The following MXRA5 variants were observed in gnomAD, a reference collection of about 807,000 sequenced individuals.
The protein encoded by MXRA5 is matrix-remodeling-associated protein 5.
A neutral mutation model predicts 112.5 loss-of-function variants in MXRA5; 41 were observed. That is an observed-to-expected ratio of 0.36 (90% CI 0.28 to 0.47). The LOEUF is 0.47. Ranked by LOEUF, MXRA5 falls within the 20% of genes least tolerant of loss-of-function variation. The probability of loss-of-function intolerance (pLI) is 0.99; values close to 1 mark genes in which losing one functional copy is unlikely to be tolerated. For missense variants in MXRA5, 2,150 were observed against 2,251.0 expected (o/e 0.96, Z 0.91); for synonymous variants, 862 against 900.8 (o/e 0.96, Z 0.77).
In MXRA5 at chrX:3,317,455, G is replaced by A. The variant is rs1164225944; in HGVS notation, c.6226C>T (p.Leu2076=). 3 of 1,194,977 alleles carry A rather than the reference G, an allele frequency of 2.5e-6. No homozygotes were observed. The highest frequency in any genetic ancestry group is 2.3e-5 in the Admixed American group (1 of 43,910). The change falls in exon 6 of 7, where the codon CTG becomes TTG. Residue 2076 remains leucine, a synonymous_variant. Transcript: ENST00000217939. ...CCGAGCACCCAGCGCACGCTGGGCAGGGGCGCAGCCTTGGCAGTGCAGTGA... is the reference window on the plus strand; with the variant it reads ...CCGAGCACCCAGCGCACGCTGGGCAAGGGCGCAGCCTTGGCAGTGCAGTGA... ...HIHCTAKAAP[L]PSVRWVLGDG... is the part of the protein sequence containing the mutation.
rs746862274 is a variant in MXRA5, at chrX:3,310,845, C to T, written c.7358G>A (p.Arg2453Gln). 2.1e-5 allele frequency: 26 copies of T among 1,210,375 alleles called. No individual in the cohort carries two copies. Among genetic ancestry groups the T allele is most frequent in the Admixed American group, 4.4e-5 (2 of 45,948 alleles). The part of the protein sequence containing the change: ...NGNPNPITTV[R>Q]EIAAGGSRKL... ...CCGACTGCCCCCGGCTGCTATCTCC[C>T]GCACAGTGGTGATGGGGTTGGGGTT... Residue 2453 changes from arginine to glutamine, a missense_variant, in exon 7 of 7, where the codon CGG becomes CAG. Transcript: ENST00000217939.
Position 3,317,242 on chromosome X carries a change from G to A in MXRA5, c.6439C>T (p.Arg2147Cys). ...CTCCGCGGGGAGGTGCCCGTGATGCGCGCGTTGGCTGCTGCACGCTGCACG... is the reference window on the plus strand; with the variant it reads ...CTCCGCGGGGAGGTGCCCGTGATGCACGCGTTGGCTGCTGCACGCTGCACG... ...LNVQRAAANA[R>C]ITGTSPRRTD... Residue 2147 changes from arginine to cysteine, a missense_variant, in exon 6 of 7, where the codon CGC becomes TGC. Arg to Cys is a radical substitution (Grantham distance 180). Transcript: ENST00000217939. The A allele has an allele frequency of 1.7e-6, 2 of 1,210,968 alleles. No individual in the cohort carries two copies. Among genetic ancestry groups the A allele is most frequent in the Non-Finnish European group, 2.2e-6 (2 of 895,243 alleles).
In MXRA5 at chrX:3,324,497, C is replaced by T; in HGVS notation, c.1188G>A (p.Met396Ile). Residue 396 changes from methionine (M) to isoleucine (I), a missense_variant, in exon 5 of 7, where the codon ATG becomes ATA. Met to Ile is a conservative substitution (Grantham distance 10). Coordinates refer to ENST00000217939, the MANE Select transcript of MXRA5 (RefSeq NM_015419.4). ...EVPVKLHREL[M>I]LSKDPRVSYQ... ...AGCTGACTCTGGGGTCTTTGCTGAG[C>T]ATGAGCTCTCTGTGTAGCTTCACGG... 8.3e-7 allele frequency: 1 copy of T among 1,211,647 alleles called. No homozygotes were observed. Among genetic ancestry groups the T allele is most frequent in the Non-Finnish European group, 1.1e-6 (1 of 895,522 alleles).
At position 3,310,072 on chromosome X, in the gene MXRA5, A is replaced by C; in HGVS notation, c.8131T>G (p.Cys2711Gly). The C allele has an allele frequency of 8.3e-7, 1 of 1,211,532 alleles. No individual in the cohort carries two copies. Among genetic ancestry groups the C allele is most frequent in the Non-Finnish European group, 1.1e-6 (1 of 895,436 alleles). The part of the protein sequence containing the change: ...ASVFDRGTYV[C>G]RMETEYGPSV... The stretch of plus-strand genomic sequence containing the variant: ...GGGCCGTACTCCGTCTCCATCCTGC[A>C]TACATAGGTACCCCTGTCAAACACC... Residue 2711 changes from cysteine to glycine, a missense_variant, in exon 7 of 7, where the codon TGC becomes GGC. Around this residue, in one of 6 missense-constraint regions of MXRA5, gnomAD observed 178 missense variants for 198.2 expected, o/e 0.90. Coordinates refer to ENST00000217939, the MANE Select transcript of MXRA5 (RefSeq NM_015419.4).
Position 3,310,243 on chromosome X carries a change from T to A in MXRA5, c.7960A>T (p.Thr2654Ser). ...HNLVSIINGE[T>S]LKLPCTPPGA... ...GGAGGGGTGCAGGGGAGCTTCAGGG[T>A]CTCACCATTGATGATGCTGACCAGG... Residue 2654 changes from threonine (T) to serine (S), a missense_variant, in exon 7 of 7, where the codon ACC (threonine) becomes TCC (serine). Thr to Ser is a moderately conservative substitution (Grantham distance 58). This residue lies in a region of MXRA5 where 178 missense variants were observed against 198.2 expected (regional missense o/e 0.90). Coordinates refer to ENST00000217939, the MANE Select transcript of MXRA5 (RefSeq NM_015419.4). The A allele has an allele frequency of 1.7e-6, 2 of 1,211,390 alleles. No homozygotes were observed. Among genetic ancestry groups the A allele is most frequent in the South Asian group, 3.5e-5 (2 of 56,917 alleles).
rs149998276 is a variant in MXRA5, at chrX:3,331,482, G to A, written c.189-709C>T. Among the ~76,000 whole-genome samples, 1,114 of 111,668 alleles carry A rather than the reference G, an allele frequency of 1.0e-2. 15 individuals carry two copies. The highest frequency in any genetic ancestry group is 0.033 in the African/African-American group (998 of 30,707). The stretch of plus-strand genomic sequence containing the variant: ...AAGTGACAGTAATAAAGAGGGACAC[G>A]TGGCTAGCAGGGCCGGGAAAATCCA... On this transcript the variant is annotated intron_variant, in intron 2 of 6. Coordinates refer to ENST00000217939, the MANE Select transcript of MXRA5 (RefSeq NM_015419.4).
chrX:3,345,219 G>C (rs903890096), intron 1 of MXRA5, among the ~76,000 whole-genome samples: 1 of 112,917 alleles, frequency 8.9e-6, no homozygotes, highest in Non-Finnish European at 1.9e-5. Flanking sequence ...AAGTGACCTA[G>C]AAAAGGTTAT....
Position 3,308,955 on chromosome X carries a change from A to T in MXRA5, c.*761T>A, listed in dbSNP as rs1402886744. ...GAAGGAGGTTGGAGAGAAATTTTTT[A>T]AAATTATATTTCCATGTCTGCTGTA... On this transcript the variant is annotated 3_prime_UTR_variant, in exon 7 of 7. Transcript: ENST00000217939. The T allele has an allele frequency of 9.0e-6, 1 of 111,669 alleles. No homozygotes were observed. Among genetic ancestry groups the T allele is most frequent in the Non-Finnish European group, 1.9e-5 (1 of 53,179 alleles). The allele number at this position is 111,669 out of a possible 1,213,427, so 9.2% of individuals were successfully genotyped here.
chrX:3,334,762 A>T (rs1023603836), intron 2 of MXRA5, among the ~76,000 whole-genome samples: 4 of 112,065 alleles, frequency 3.6e-5, no homozygotes, highest in Non-Finnish European at 7.5e-5. Context: ...CTTCTCAGAG[A>T]CACTCAAATG....
Position 3,315,314 on chromosome X carries a change from CAGATGATAGATAGATAGATATAGAT to C in MXRA5, c.6578+1764_6578+1788del, listed in dbSNP as rs1921066845. Among the ~76,000 whole-genome samples, 3 of 53,383 alleles carry C rather than the reference CAGATGATAGATAGATAGATATAGAT, an allele frequency of 5.6e-5. 1 individual carries two copies. Among genetic ancestry groups the C allele is most frequent in the African/African-American group, 1.5e-4 (2 of 13,472 alleles). The allele number at this position is 53,383 out of a possible 115,157, so 46.4% of individuals were successfully genotyped here. On this transcript the variant is annotated intron_variant, in intron 6 of 6. Coordinates refer to ENST00000217939, the MANE Select transcript of MXRA5 (RefSeq NM_015419.4). ...ATGGATGGATAGACAGAAAGACAGACAGATGATAGATAGATAGATATAGATAGATAGATGATAGATAGATAGATAG... is the reference window on the plus strand; with the variant it reads ...ATGGATGGATAGACAGAAAGACAGACAGATAGATGATAGATAGATAGATAG...
intron 2 of MXRA5, among the ~76,000 whole-genome samples, chrX:3,341,398 A>T (rs1921956996): frequency 4.3e-5 from 1 of 23,380 alleles, no homozygotes; most frequent in Non-Finnish European, 5.6e-5. Flanking sequence ...TAATATATAT[A>T]ATATATATTA....
Position 3,322,364 on chromosome X carries a change from A to G in MXRA5, c.3321T>C (p.Ser1107=). Residue 1107 remains serine, a synonymous_variant, in exon 5 of 7, where the codon TCT becomes TCC. Transcript: ENST00000217939. ...DSTLGIMSSM[S]PVKKPAETTV... ...TGGTTTCCGCAGGCTTCTTAACTGGAGACATACTGCTCATTATACCCAGTG... is the reference window on the plus strand; with the variant it reads ...TGGTTTCCGCAGGCTTCTTAACTGGGGACATACTGCTCATTATACCCAGTG... 1 of 1,210,978 alleles carries G rather than the reference A, an allele frequency of 8.3e-7. No homozygotes were observed. The highest frequency in any genetic ancestry group is 1.1e-6 in the Non-Finnish European group (1 of 895,360).
Position 3,330,673 on chromosome X carries a change from C to T in MXRA5, c.289G>A (p.Gly97Arg). ...AGAGAGCTGAGGTCTCTTAAAGCTC[C>T]ATCGGGGATGCTTGGGATCTCATTG... ...HGNEIPSIPDGALRDLSSLQV... is the reference protein window; with the variant it reads ...HGNEIPSIPDRALRDLSSLQV... Residue 97 changes from glycine (G) to arginine (R), a missense_variant, in exon 3 of 7, where the codon GGA becomes AGA. This residue lies in a region of MXRA5 where 386 missense variants were observed against 411.0 expected (regional missense o/e 0.94). Coordinates refer to ENST00000217939, the MANE Select transcript of MXRA5 (RefSeq NM_015419.4). 8.3e-7 allele frequency: 1 copy of T among 1,209,730 alleles called. No individual in the cohort carries two copies. The highest frequency in any genetic ancestry group is 1.1e-6 in the Non-Finnish European group (1 of 894,403).
chrX:3,336,590 G>A (rs1226541709), intron 2 of MXRA5, among the ~76,000 whole-genome samples: 1 of 111,838 alleles, frequency 8.9e-6, no homozygotes, highest in African/African-American at 3.3e-5. Flanking sequence ...CTCCTTTTGG[G>A]GTGGTGAAAA....
At chrX:3,342,965 TA>T (rs1473482214) in intron 2 of MXRA5, among the ~76,000 whole-genome samples, 1 of 112,511 alleles carries the variant, frequency 8.9e-6, no homozygotes, top group Non-Finnish European at 1.9e-5. Context: ...GGATGGATGC[TA>T]AAAAGTAGCT....
intron 4 of MXRA5, among the ~76,000 whole-genome samples, chrX:3,326,768 G>T (rs769894196): frequency 1.8e-5 from 2 of 109,926 alleles, no homozygotes; most frequent in Non-Finnish European, 3.8e-5. Flanking sequence ...TGCTGACTGG[G>T]TCCTCCTTGA....
intron 2 of MXRA5, among the ~76,000 whole-genome samples, chrX:3,341,988 T>G (rs2146934404): frequency 1.1e-5 from 1 of 94,154 alleles, no homozygotes; most frequent in East Asian, 2.9e-4. Context: ...AAATGGGCTT[T>G]AGCAGACATG....
Position 3,330,192 on chromosome X carries a change from A to C in MXRA5, c.535T>G (p.Tyr179Asp), listed in dbSNP as rs1340265942. Residue 179 changes from tyrosine to aspartate, a missense_variant, in exon 4 of 7, where the codon TAT becomes GAT. This residue lies in a region of MXRA5 where 386 missense variants were observed against 411.0 expected (regional missense o/e 0.94). Coordinates refer to ENST00000217939, the MANE Select transcript of MXRA5 (RefSeq NM_015419.4). ...TGCCTTATGGTGGAGAGTCTGAAAT[A>C]ATCCAAAAATGTGAACGTGGAGAAG... ...STFSTFTFLD[Y>D]FRLSTIRHLY... The C allele has an allele frequency of 4.1e-6, 5 of 1,207,691 alleles. No individual in the cohort carries two copies. Among genetic ancestry groups the C allele is most frequent in the Middle Eastern group, 4.6e-4 (2 of 4,371 alleles).
At position 3,317,804 on chromosome X, in the gene MXRA5, G is replaced by A. The variant is rs766558008; in HGVS notation, c.5877C>T (p.Asp1959=). 3 of 1,208,984 alleles carry A rather than the reference G, an allele frequency of 2.5e-6. No homozygotes were observed. Among genetic ancestry groups the A allele is most frequent in the Admixed American group, 2.2e-5 (1 of 45,671 alleles). ...QPQILASHYQ[D]VTVYLGDTIA... is the part of the protein sequence containing the mutation. ...TGGTGTCTCCCAGGTAGACAGTGAC[G>A]TCCTGGTAGTGGGAGGCTAGGATTT... The change falls in exon 6 of 7, where the codon GAC becomes GAT. Residue 1959 remains aspartate, a synonymous_variant. Coordinates refer to ENST00000217939, the MANE Select transcript of MXRA5 (RefSeq NM_015419.4).
Sources: allele counts gnomAD v4.1 joint callset (sites outside exome capture counted in the v4.1 genomes callset), GRCh38; gene constraint gnomAD v4.1.1; regional missense constraint gnomAD v4.1.1; transcripts MANE v1.5; gene names NCBI Gene and HGNC (gene_info 2026-07-23, HGNC 2026-07-21).